PDE3B: variants seen among roughly 807,000 people sequenced by gnomAD.
The protein encoded by PDE3B is phosphodiesterase 3B.
A neutral mutation model predicts 116.8 loss-of-function variants in PDE3B; 66 were observed. That is an observed-to-expected ratio of 0.56 (90% CI 0.46 to 0.69). The LOEUF is 0.69. Among genes scored for constraint, PDE3B ranks in the 30% least tolerant of loss-of-function variants. The pLI, the probability that PDE3B is intolerant of heterozygous loss-of-function variation, is 0.00. For missense variants in PDE3B, 1,384 were observed against 1,368.1 expected (o/e 1.01, Z -0.18); for synonymous variants, 595 against 533.6 (o/e 1.12, Z -1.59).
chr11:14,773,901 T>C (rs1199649914), intron 2 of PDE3B: 1 of 152,232 alleles, frequency 6.6e-6, no homozygotes, highest in Non-Finnish European at 1.5e-5. Context: ...CTCACTACTT[T>C]GTTTTTCTCA....
rs754062842 is a variant in PDE3B at position 14,644,489 on chromosome 11, G to A, written c.414G>A (p.Arg138=). Residue 138 remains arginine (R), a synonymous_variant, in exon 1 of 16, where the codon CGG becomes CGA. Transcript: ENST00000282096. ...TCTTCCTCACCTGCTTCCTCACCCG[G>A]ACCAAGCGGGGACCCGGCCCGGGCC... ...AFFFLTCFLT[R]TKRGPGPGRS... 29 of 1,612,458 alleles carry A rather than the reference G, an allele frequency of 1.8e-5. No homozygotes were observed. In the Admixed American group the frequency reaches 3.7e-4, roughly 20 times the overall value.
At chr11:14,744,762 G>T (rs1463651885) in intron 1 of PDE3B, among the ~76,000 whole-genome samples, 1 of 152,078 alleles carries the variant, frequency 6.6e-6, no homozygotes, top group African/African-American at 2.4e-5. Context: ...CTTTTTTCTG[G>T]AACTCAACTC....
At chr11:14,693,877 G>A (rs74480033) in intron 1 of PDE3B, among the ~76,000 whole-genome samples, 2 of 152,266 alleles carry the variant, frequency 1.3e-5, no homozygotes, top group South Asian at 2.1e-4. Flanking sequence ...ATTGATGGAT[G>A]TGTGCAAAGT....
chr11:14,676,389 C>A (rs1854532425), intron 1 of PDE3B, among the ~76,000 whole-genome samples: 2 of 152,130 alleles, frequency 1.3e-5, no homozygotes, highest in Non-Finnish European at 2.9e-5. Context: ...CAGCATGTTA[C>A]TGTACTGAAT....
intron 1 of PDE3B, among the ~76,000 whole-genome samples, chr11:14,762,329 G>A (rs1032282828): frequency 2.0e-5 from 3 of 152,100 alleles, no homozygotes; most frequent in African/African-American, 7.2e-5. Flanking sequence ...CATATTTTAA[G>A]TGCTGCTTTA....
intron 1 of PDE3B, among the ~76,000 whole-genome samples, chr11:14,678,964 T>C (rs1347051240): frequency 6.6e-6 from 1 of 152,226 alleles, no homozygotes; most frequent in African/African-American, 2.4e-5. Flanking sequence ...GTTTATTTTC[T>C]CCTACATACA....
intron 5 of PDE3B, among the ~76,000 whole-genome samples, chr11:14,811,112 G>A (rs928918039): frequency 5.3e-5 from 8 of 152,060 alleles, no homozygotes; most frequent in Admixed American, 3.3e-4. Flanking sequence ...CTCCCATTTT[G>A]TAGGTTGCCT....
At chr11:14,664,578 A>G (rs1393104253) in intron 1 of PDE3B, among the ~76,000 whole-genome samples, 1 of 152,212 alleles carries the variant, frequency 6.6e-6, no homozygotes, top group African/African-American at 2.4e-5. Flanking sequence ...AAAATGATAA[A>G]GGGGATATCA....
At chr11:14,662,441 G>A (rs576446007) in intron 1 of PDE3B, among the ~76,000 whole-genome samples, 77 of 152,264 alleles carry the variant, frequency 5.1e-4, no homozygotes, top group Middle Eastern at 6.8e-3. Context: ...ACTAGCAATG[G>A]AACAAAGCTG....
intron 1 of PDE3B, among the ~76,000 whole-genome samples, chr11:14,672,017 G>GAAA (rs1206100149): frequency 7.7e-6 from 1 of 129,218 alleles, no homozygotes; most frequent in African/African-American, 3.0e-5. Context: ...ACCTTGTCTT[G>GAAA]AAAAAAAAAA....
In PDE3B at chr11:14,644,449, T is replaced by C. The variant is rs1565068789; in HGVS notation, c.374T>C (p.Ile125Thr). The C allele has an allele frequency of 6.2e-7, 1 of 1,613,198 alleles. No homozygotes were observed. Among genetic ancestry groups the C allele is most frequent in the Admixed American group, 1.7e-5 (1 of 59,988 alleles). Reference sequence around the variant, plus strand: ...CACAGCTTGAGCCCCCTCTTCAGCATCGCCTGTGCCTTCTTCTTCCTCACC... The same window carrying C: ...CACAGCTTGAGCCCCCTCTTCAGCACCGCCTGTGCCTTCTTCTTCCTCACC... ...CSHSLSPLFSIACAFFFLTCF... is the reference protein window; with the variant it reads ...CSHSLSPLFSTACAFFFLTCF... Residue 125 changes from isoleucine to threonine, a missense_variant, in exon 1 of 16, where the codon ATC becomes ACC. This residue lies in a region of PDE3B where 956 missense variants were observed against 806.8 expected (regional missense o/e 1.18). Transcript: ENST00000282096.
At chr11:14,856,880 A>C (rs1847862188) in intron 12 of PDE3B, among the ~76,000 whole-genome samples, 1 of 149,840 alleles carries the variant, frequency 6.7e-6, no homozygotes, top group African/African-American at 2.4e-5. Flanking sequence ...GTGCCTTCTT[A>C]GTCATGAGAT....
At chr11:14,729,716 CTA>C (rs1342674099) in intron 1 of PDE3B, among the ~76,000 whole-genome samples, 2 of 151,958 alleles carry the variant, frequency 1.3e-5, no homozygotes, top group Admixed American at 6.6e-5. Flanking sequence ...TGATTAATCT[CTA>C]TGTGCAAGTA....
chr11:14,781,279 T>C (rs370348428), intron 2 of PDE3B, among the ~76,000 whole-genome samples: 1 of 151,966 alleles, frequency 6.6e-6, no homozygotes, highest in African/African-American at 2.4e-5. Context: ...TTCCAATCAA[T>C]AGAAAAAGAG....
chr11:14,662,259 A>G (rs1457444673), intron 1 of PDE3B, among the ~76,000 whole-genome samples: 5 of 152,200 alleles, frequency 3.3e-5, no homozygotes, highest in Non-Finnish European at 1.5e-5. Context: ...TGTCTGTTAG[A>G]AGGAAAACTA....
intron 1 of PDE3B, among the ~76,000 whole-genome samples, chr11:14,726,172 G>A (rs1856300885): frequency 6.6e-6 from 1 of 152,142 alleles, no homozygotes; most frequent in African/African-American, 2.4e-5. Flanking sequence ...TATGAAAGAG[G>A]TTTTCCCTGA....
chr11:14,724,679 G>A (rs1455305274), intron 1 of PDE3B, among the ~76,000 whole-genome samples: 1 of 152,148 alleles, frequency 6.6e-6, no homozygotes, highest in Non-Finnish European at 1.5e-5. Context: ...AGAACTCCAG[G>A]CCAGAGATAA....
intron 1 of PDE3B, among the ~76,000 whole-genome samples, chr11:14,726,303 T>G (rs1856303914): frequency 3.3e-5 from 5 of 152,180 alleles, no homozygotes; most frequent in Admixed American, 3.3e-4. Context: ...ATTTTTTCTT[T>G]CCCTCTAGAA....
chr11:14,891,645 C>T, the PDE3B span: 1 of 1,146,906 alleles, frequency 8.7e-7, no homozygotes, highest in Non-Finnish European at 1.1e-6. Flanking sequence ...CATGCGTCCA[C>T]CCTGGACCTG....
Sources: gnomAD v4.1 joint callset for allele counts (sites outside exome capture counted in the v4.1 genomes callset) on GRCh38, gnomAD v4.1.1 for gene constraint, gnomAD v4.1.1 regional missense constraint, MANE v1.5 for transcripts, NCBI Gene and HGNC (gene_info 2026-07-23, HGNC 2026-07-21) for gene names.